The following PRKG1 variants were observed in gnomAD, a reference collection of about 807,000 sequenced individuals.
The protein encoded by PRKG1 is protein kinase cGMP-dependent 1, also known as cGMP-dependent protein kinase 1.
A neutral mutation model predicts 88.1 loss-of-function variants in PRKG1; 35 were observed. The observed-to-expected ratio is 0.40, with a 90% CI of 0.30 to 0.53. The LOEUF (loss-of-function observed/expected upper bound fraction) is 0.53, where lower values mean the gene tolerates loss of function less well. Among genes scored for constraint, PRKG1 ranks in the 20% least tolerant of loss-of-function variants. PRKG1 has a pLI of 0.59. For synonymous variants in PRKG1, 303 were observed against 292.5 expected (o/e 1.04, Z -0.37); for missense variants, 540 against 839.8 (o/e 0.64, Z 4.41).
intron 2 of PRKG1, among the ~76,000 whole-genome samples, chr10:51,365,948 TA>T (rs532328465): frequency 1.2e-4 from 18 of 148,384 alleles, no homozygotes; most frequent in Admixed American, 9.4e-4. Context: ...AGAGACTAAA[TA>T]AAAAAAATTG....
intron 5 of PRKG1, among the ~76,000 whole-genome samples, chr10:51,939,759 A>G (rs779639855): frequency 5.3e-5 from 8 of 150,766 alleles, no homozygotes; most frequent in Admixed American, 1.3e-4. Context: ...TAATACATAT[A>G]TATTTGGTAA....
At chr10:51,883,574 A>T (rs1414639299) in intron 4 of PRKG1, among the ~76,000 whole-genome samples, 1 of 152,200 alleles carries the variant, frequency 6.6e-6, no homozygotes, top group African/African-American at 2.4e-5. Flanking sequence ...TAAGAAATAA[A>T]TTGCTGGGGC....
intron 7 of PRKG1, among the ~76,000 whole-genome samples, chr10:52,088,862 G>A (rs774032275): frequency 2.6e-5 from 4 of 151,998 alleles, no homozygotes; most frequent in African/African-American, 7.2e-5. Flanking sequence ...ACAAATACAC[G>A]CTGTTGCACA....
At chr10:51,764,055 C>T (rs1181248707) in intron 3 of PRKG1, among the ~76,000 whole-genome samples, 1 of 152,208 alleles carries the variant, frequency 6.6e-6, no homozygotes, top group Non-Finnish European at 1.5e-5. Context: ...AATGCTGCCA[C>T]ATTGAGAATT....
chr10:52,157,477 A>G (rs1838152817), intron 8 of PRKG1, among the ~76,000 whole-genome samples: 1 of 150,994 alleles, frequency 6.6e-6, no homozygotes, highest in Non-Finnish European at 1.5e-5. Context: ...ATGAAGTCTC[A>G]TTATATCACA....
At chr10:51,005,278 TAAAATA>T (rs1277857529) in intron 1 of PRKG1, among the ~76,000 whole-genome samples, 1 of 151,480 alleles carries the variant, frequency 6.6e-6, no homozygotes, top group African/African-American at 2.4e-5. Flanking sequence ...TAAAAAAAAA[TAAAATA>T]AAATGATCCC....
chr10:51,074,127 C>T (rs1007462598), upstream of PRKG1, among the ~76,000 whole-genome samples: 2 of 150,276 alleles, frequency 1.3e-5, no homozygotes, highest in Non-Finnish European at 3.0e-5. Context: ...CCTCGCTCCA[C>T]CCGCACACCC....
intron 3 of PRKG1, among the ~76,000 whole-genome samples, chr10:51,667,646 G>A (rs1356523496): frequency 1.3e-5 from 2 of 151,818 alleles, no homozygotes; most frequent in Non-Finnish European, 2.9e-5. Context: ...AGTCCTTCTG[G>A]GTATTAATCT....
At chr10:51,909,550 T>C (rs1564703954) in intron 5 of PRKG1, 1 of 151,550 alleles carries the variant, frequency 6.6e-6, no homozygotes. Context: ...ATATTGAAAA[T>C]TGGATATACG....
chr10:51,565,723 A>T (rs1837584062), intron 3 of PRKG1, among the ~76,000 whole-genome samples: 1 of 152,106 alleles, frequency 6.6e-6, no homozygotes, highest in African/African-American at 2.4e-5. Flanking sequence ...AATTCTTATG[A>T]AATAGCCTCT....
intron 1 of PRKG1, among the ~76,000 whole-genome samples, chr10:51,075,141 T>C (rs1182173166): frequency 6.6e-6 from 1 of 152,226 alleles, no homozygotes; most frequent in Non-Finnish European, 1.5e-5. Flanking sequence ...TAAATATACA[T>C]ATACATTCGT....
chr10:52,228,136 T>C (rs539744112), intron 9 of PRKG1, among the ~76,000 whole-genome samples: 1 of 152,152 alleles, frequency 6.6e-6, no homozygotes, highest in Non-Finnish European at 1.5e-5. Flanking sequence ...GTCAGAACAC[T>C]GGTGATGTTT....
intron 3 of PRKG1, chr10:51,695,501 T>C (rs1020103377): frequency 2.6e-5 from 4 of 152,202 alleles, no homozygotes. Flanking sequence ...CTTAATTGTA[T>C]CTTTATTTTC....
At chr10:51,520,128 C>T (rs901310933) in intron 3 of PRKG1, among the ~76,000 whole-genome samples, 6 of 151,758 alleles carry the variant, frequency 4.0e-5, no homozygotes, top group African/African-American at 9.7e-5. Context: ...CTAAAGAACT[C>T]CAATATCTTG....
chr10:51,091,619 T>C (rs1176905490), intron 1 of PRKG1, among the ~76,000 whole-genome samples: 1 of 152,176 alleles, frequency 6.6e-6, no homozygotes, highest in Non-Finnish European at 1.5e-5. Flanking sequence ...AAAAGCTCAA[T>C]TGGCCTGGTT....
At chr10:51,683,566 G>A (rs1589193655) in intron 3 of PRKG1, among the ~76,000 whole-genome samples, 2 of 152,250 alleles carry the variant, frequency 1.3e-5, no homozygotes, top group East Asian at 3.9e-4. Flanking sequence ...GGTTTGGGTA[G>A]GGTTTTATAA....
At chr10:51,433,014 T>C (rs1311893156) in intron 2 of PRKG1, among the ~76,000 whole-genome samples, 1 of 152,144 alleles carries the variant, frequency 6.6e-6, no homozygotes, top group Non-Finnish European at 1.5e-5. Flanking sequence ...ATGGACATTT[T>C]CTAAAAATAA....
chr10:51,001,245 C>T (rs1044730411), intron 1 of PRKG1, among the ~76,000 whole-genome samples: 4 of 152,222 alleles, frequency 2.6e-5, no homozygotes, highest in Admixed American at 6.5e-5. Flanking sequence ...CTCTCACTTC[C>T]CGTACTGTCT....
intron 3 of PRKG1, among the ~76,000 whole-genome samples, chr10:51,757,413 C>T (rs766821639): frequency 6.6e-6 from 1 of 151,964 alleles, no homozygotes; most frequent in East Asian, 1.9e-4. Context: ...CCCTCAGTGG[C>T]CTACTTTAAA....
Sources: gnomAD v4.1 joint callset for allele counts (sites outside exome capture counted in the v4.1 genomes callset) on GRCh38, gnomAD v4.1.1 for gene constraint, MANE v1.5 for transcripts, NCBI Gene and HGNC (gene_info 2026-07-23, HGNC 2026-07-21) for gene names.